Variants in CAPN10 observed in about 807,000 individuals in gnomAD.
CAPN10 encodes calpain 10, also known as calpain-10.
Under a neutral mutation model 78.4 loss-of-function variants are expected in CAPN10, and 71 were observed. That is an observed-to-expected ratio of 0.91 (90% CI 0.75 to 1.10). The LOEUF (loss-of-function observed/expected upper bound fraction) is 1.10, where lower values mean the gene tolerates loss of function less well. Ranked by LOEUF, CAPN10 falls within the 50% of genes least tolerant of loss-of-function variation. CAPN10 has a pLI of 0.00. For missense variants in CAPN10, 849 were observed against 924.6 expected, an observed-to-expected ratio of 0.92 and a Z score of 1.06; for synonymous variants, 437 against 407.2, an observed-to-expected ratio of 1.07 and a Z score of -0.88.
intron 2 of CAPN10, chr2:240,590,161 C>T (rs1368861492): frequency 2.0e-5 from 3 of 152,184 alleles, no homozygotes; most frequent in East Asian, 1.9e-4. Context: ...CATTGTGTTT[C>T]TGGCCGTAAA....
In CAPN10 at chr2:240,596,721, G is replaced by T; in HGVS notation, c.1522G>T (p.Ala508Ser). Residue 508 changes from alanine to serine, a missense_variant, in exon 9 of 12, where the codon GCC becomes TCC. Physicochemically the swap from Ala to Ser is moderately conservative, Grantham distance 99. Coordinates refer to ENST00000391984, the MANE Select transcript of CAPN10 (RefSeq NM_023083.4). ...GGCCAAGAACACCACCCCCGGGGCA[G>T]CCCTGCCTGCGGGGGAGTGGGGGAC... Reference protein sequence around the residue: ...AVAKNTTPGAALPAGEWGTVQ... With the variant: ...AVAKNTTPGASLPAGEWGTVQ... 6.3e-7 allele frequency: 1 copy of T among 1,582,360 alleles called. No homozygotes were observed. Among genetic ancestry groups the T allele is most frequent in the Admixed American group, 1.7e-5 (1 of 57,798 alleles).
chr2:240,595,481 G>A (rs1040884523), intron 7 of CAPN10, 177 bp downstream of exon 7: 5 of 662,994 alleles, frequency 7.5e-6, no homozygotes, highest in Admixed American at 2.8e-5. Flanking sequence ...TCCCAGACCC[G>A]GCTCTGACCT....
At chr2:240,593,140 C>T (rs1559424876) in intron 4 of CAPN10, among the ~76,000 whole-genome samples, 1 of 152,194 alleles carries the variant, frequency 6.6e-6, no homozygotes, top group Non-Finnish European at 1.5e-5. Context: ...GGGCGCTGGT[C>T]TGGTGGGCAT....
intron 1 of CAPN10, 113 bp from the exon 2 acceptor site, chr2:240,589,230 C>T: frequency 7.1e-7 from 1 of 1,399,036 alleles, no homozygotes; most frequent in Middle Eastern, 1.8e-4. Context: ...TTGGGTAACA[C>T]TGATGATCGG....
chr2:240,592,725 C>CA, intron 4 of CAPN10: 2 of 341,838 alleles, frequency 5.9e-6, no homozygotes, highest in Non-Finnish European at 5.8e-6. Context: ...CATGAGCACG[C>CA]ACGGTTTACG....
intron 4 of CAPN10, among the ~76,000 whole-genome samples, chr2:240,593,430 C>A (rs1398959236): frequency 6.6e-6 from 1 of 152,242 alleles, no homozygotes; most frequent in Non-Finnish European, 1.5e-5. Flanking sequence ...GGTCTCTGGC[C>A]AGGTGGAGCT....
In CAPN10 at chr2:240,594,561, G is replaced by C; in HGVS notation, c.849G>C (p.Gln283His). 2 of 1,613,716 alleles carry C rather than the reference G, an allele frequency of 1.2e-6. No homozygotes were observed. Among genetic ancestry groups the C allele is most frequent in the East Asian group, 4.5e-5 (2 of 44,872 alleles). Residue 283 changes from glutamine (Q) to histidine (H), a missense_variant, in exon 6 of 12, where the codon CAG (glutamine) becomes CAC (histidine). Coordinates refer to ENST00000391984, the MANE Select transcript of CAPN10 (RefSeq NM_023083.4). ...LWREGGEGWS[Q>H]VDAAVASELL... ...CTTCCAGGGGTGAAGGGTGGAGCCA[G>C]GTAGATGCAGCGGTAGCATCTGAGC... is the stretch of plus-strand genomic sequence containing the variant.
At chr2:240,596,196 G>T in intron 7 of CAPN10, 123 bp from the exon 8 acceptor site, 1 of 1,477,198 alleles carries the variant, frequency 6.8e-7, no homozygotes, top group African/African-American at 1.4e-5. Context: ...GGAGGGTGCT[G>T]ACAGGCCTTG....
intron 1 of CAPN10, among the ~76,000 whole-genome samples, chr2:240,588,682 G>A (rs1311274866): frequency 6.6e-6 from 1 of 152,208 alleles, no homozygotes; most frequent in African/African-American, 2.4e-5. Context: ...TGTGTGGAGA[G>A]TGAATGGGAA....
chr2:240,592,592 G>A (rs1225790937), intron 4 of CAPN10: 1 of 438,822 alleles, frequency 2.3e-6, no homozygotes, highest in Non-Finnish European at 4.7e-6. Flanking sequence ...GAGTATCGCT[G>A]GAGCCCAGGA....
Position 240,586,798 on chromosome 2 carries a change from G to C in CAPN10, c.-114G>C, listed in dbSNP as rs1230941607. On this transcript the variant is annotated 5_prime_UTR_variant, in exon 1 of 12. Transcript: ENST00000391984. Reference sequence around the variant, plus strand: ...CGGGGCCCTCGGGCTTGGAGGGCTGGGCCGGGCGGGGAACGGGCGGGGCGG... The same window carrying C: ...CGGGGCCCTCGGGCTTGGAGGGCTGCGCCGGGCGGGGAACGGGCGGGGCGG... The C allele has an allele frequency of 4.5e-6, 5 of 1,103,888 alleles. No individual in the cohort carries two copies. In the Admixed American group the frequency reaches 2.2e-4, roughly 48 times the overall value. 68.4% of individuals were successfully genotyped at this position (1,103,888 alleles called of 1,614,324 possible).
chr2:240,593,070 G>A (rs929450657), intron 4 of CAPN10, among the ~76,000 whole-genome samples: 2 of 152,234 alleles, frequency 1.3e-5, no homozygotes, highest in African/African-American at 2.4e-5. Flanking sequence ...TGTACTCCCC[G>A]CCAGCCCCGC....
chr2:240,595,508 C>G (rs547628886), intron 7 of CAPN10: 45 of 622,044 alleles, frequency 7.2e-5, no homozygotes, highest in Non-Finnish European at 1.2e-4. Flanking sequence ...GCAGGTCTTT[C>G]TGCCTTGCCG....
intron 3 of CAPN10, 86 bp downstream of exon 3, chr2:240,591,097 A>G: frequency 7.8e-7 from 1 of 1,276,352 alleles, no homozygotes; most frequent in Non-Finnish European, 1.1e-6. Flanking sequence ...GTCTCTGCTC[A>G]CTCTGGGCTG....
rs551100386 is a variant in CAPN10 at position 240,598,467 on chromosome 2, A to G, written c.1989+70A>G. 6 of 1,557,088 alleles carry G rather than the reference A, an allele frequency of 3.9e-6. No individual in the cohort carries two copies. In the East Asian group the frequency reaches 9.0e-5, roughly 23 times the overall value. On this transcript the variant is annotated intron_variant, in intron 11 of 11. Transcript: ENST00000391984. ...CCTGGTGGCCTAGGGTCTACCTGCA[A>G]CCTCAGGCAGGTGGTTTCTGCCTGG...
At position 240,595,101 on chromosome 2, in the gene CAPN10, A is replaced by G. The variant is rs755661251; in HGVS notation, c.1075A>G (p.Ser359Gly). ...GTCAGCAGGAGGCTGCCGGAACAAC[A>G]GCGGCTTTCCCAGCAACCCCAAATT... ...GQSAGGCRNN[S>G]GFPSNPKFWL... The change falls in exon 7 of 12, where the codon AGC becomes GGC. Residue 359 changes from serine (S) to glycine (G), a missense_variant. Physicochemically the swap from Ser to Gly is moderately conservative, Grantham distance 56. Transcript: ENST00000391984. The G allele has an allele frequency of 6.2e-7, 1 of 1,613,886 alleles. No individual in the cohort carries two copies. The highest frequency in any genetic ancestry group is 1.1e-5 in the South Asian group (1 of 91,090).
rs774455277 is a variant in CAPN10 at position 240,594,647 on chromosome 2, T to C, written c.935T>C (p.Phe312Ser). The C allele has an allele frequency of 1.2e-6, 2 of 1,613,846 alleles. No homozygotes were observed. The highest frequency in any genetic ancestry group is 4.5e-5 in the East Asian group (2 of 44,872). Reference protein sequence around the residue: ...WVEEEEFLREFDELTVGYPVT... With the variant: ...WVEEEEFLRESDELTVGYPVT... The stretch of plus-strand genomic sequence containing the variant: ...GAGGAGGAGGAGTTCCTCAGGGAGT[T>C]TGACGAGCTCACCGTTGGCTACCCG... Residue 312 changes from phenylalanine (F) to serine (S), a missense_variant, in exon 6 of 12, where the codon TTT becomes TCT. Coordinates refer to ENST00000391984, the MANE Select transcript of CAPN10 (RefSeq NM_023083.4).
intron 6 of CAPN10, 104 bp from the exon 7 acceptor site, chr2:240,594,920 G>T: frequency 5.2e-6 from 6 of 1,159,906 alleles, no homozygotes; most frequent in Non-Finnish European, 7.1e-6. Context: ...TCTGTCTGTG[G>T]CCGTAGCTGC....
intron 3 of CAPN10, chr2:240,591,394 A>T (rs938911031): frequency 4.5e-5 from 11 of 244,514 alleles, no homozygotes; most frequent in African/African-American, 2.5e-4. Flanking sequence ...ACCCCAGCAT[A>T]CCAACACTTG....
Sources: allele counts gnomAD v4.1 joint callset (sites outside exome capture counted in the v4.1 genomes callset), GRCh38; gene constraint gnomAD v4.1.1; transcripts MANE v1.5; gene names NCBI Gene and HGNC (gene_info 2026-07-23, HGNC 2026-07-21).